The following C2orf74 variants were observed in gnomAD, a reference collection of about 807,000 sequenced individuals.
The protein encoded by C2orf74 is uncharacterized protein C2orf74.
A neutral mutation model predicts 17.9 loss-of-function variants in C2orf74; 14 were observed. The ratio of observed to expected loss-of-function variants is 0.78; its 90% CI spans 0.52 to 1.22. The LOEUF is 1.22. Ranked by LOEUF, C2orf74 falls within the 50% of genes most tolerant of loss-of-function variation. C2orf74 has a pLI of 0.00. For missense variants in C2orf74, 217 were observed against 218.4 expected, an observed-to-expected ratio of 0.99 and a Z score of 0.04; for synonymous variants, 79 against 72.6, an observed-to-expected ratio of 1.09 and a Z score of -0.44.
upstream of C2orf74, chr2:61,158,062 GACCCCA>G (rs1559185187): frequency 2.1e-6 from 1 of 465,752 alleles, no homozygotes; most frequent in South Asian, 1.6e-5. Flanking sequence ...GGCAATATCT[GACCCCA>G]ACATGGCAGA....
intron 1 of C2orf74, among the ~76,000 whole-genome samples, chr2:61,145,798 C>A (rs1685053235): frequency 1.3e-5 from 2 of 152,042 alleles, no homozygotes; most frequent in Non-Finnish European, 2.9e-5. Context: ...CAAGCCCAAG[C>A]AATCCTCCCA....
At chr2:61,150,772 T>G (rs564009928) in intron 1 of C2orf74, among the ~76,000 whole-genome samples, 10 of 152,230 alleles carry the variant, frequency 6.6e-5, no homozygotes. Flanking sequence ...TTGGAGTTTA[T>G]GAGGAAAAGG....
At chr2:61,163,687 A>G (rs559838927) in intron 4 of C2orf74, among the ~76,000 whole-genome samples, 2 of 152,234 alleles carry the variant, frequency 1.3e-5, no homozygotes, top group African/African-American at 2.4e-5. Context: ...AATGAGTCCA[A>G]TGCCCACAGT....
At chr2:61,153,964 C>A (rs999752877) in intron 1 of C2orf74, among the ~76,000 whole-genome samples, 4 of 151,654 alleles carry the variant, frequency 2.6e-5, no homozygotes, top group African/African-American at 9.7e-5. Flanking sequence ...TTTGGCTAGG[C>A]GCGATGGCTC....
chr2:61,164,538 A>T lies in C2orf74; in HGVS notation c.*11A>T. 6.7e-7 allele frequency: 1 copy of T among 1,487,742 alleles called. No individual in the cohort carries two copies. The highest frequency in any genetic ancestry group is 2.6e-5 in the Admixed American group (1 of 38,754). 92.2% of individuals were successfully genotyped at this position (1,487,742 alleles called of 1,614,324 possible). Reference sequence around the variant, plus strand: ...AAAGAGAGGAAATGAAGCTCAAAAAAGGGTAAGAGTGAAAGAAAATGTAAC... The same window carrying T: ...AAAGAGAGGAAATGAAGCTCAAAAATGGGTAAGAGTGAAAGAAAATGTAAC... On this transcript the variant is annotated 3_prime_UTR_variant, in exon 5 of 5. Transcript: ENST00000432605.
Position 61,162,202 on chromosome 2 carries a change from C to T in C2orf74, c.-218C>T. On this transcript the variant is annotated 5_prime_UTR_variant, in exon 1 of 5. Coordinates refer to ENST00000432605, the MANE Select transcript of C2orf74 (RefSeq NM_001143959.4). Reference sequence around the variant, plus strand: ...CCAGCTGTTCCGATTCCTCTCTCCTCTGGGTCCTGATAGTTTTTGGGGTGA... The same window carrying T: ...CCAGCTGTTCCGATTCCTCTCTCCTTTGGGTCCTGATAGTTTTTGGGGTGA... 1 of 358,414 alleles carries T rather than the reference C, an allele frequency of 2.8e-6. No homozygotes were observed. The allele number at this position is 358,414 out of a possible 1,614,324, so 22.2% of individuals were successfully genotyped here.
Position 61,162,868 on chromosome 2 carries a change from C to A in C2orf74, c.122C>A (p.Thr41Lys). ...TTCCAAGGCAGGAAAGGTAAAGAGA[C>A]AAAGAAAGTGCCTTGTACAGATGCA... is the stretch of plus-strand genomic sequence containing the variant. ...KCFQGRKGKETKKVPCTDANG... is the reference protein window; with the variant it reads ...KCFQGRKGKEKKKVPCTDANG... The change falls in exon 3 of 5, where the codon ACA becomes AAA. Residue 41 changes from threonine (T) to lysine (K), a missense_variant. Coordinates refer to ENST00000432605, the MANE Select transcript of C2orf74 (RefSeq NM_001143959.4). The A allele has an allele frequency of 6.4e-7, 1 of 1,552,248 alleles. No homozygotes were observed. Among genetic ancestry groups the A allele is most frequent in the South Asian group, 1.2e-5 (1 of 84,056 alleles).
chr2:61,147,749 C>G (rs1685112308), intron 1 of C2orf74, among the ~76,000 whole-genome samples: 1 of 152,066 alleles, frequency 6.6e-6, no homozygotes, highest in East Asian at 1.9e-4. Context: ...TTCTACCAGT[C>G]TGTGGGTTGC....
intron 1 of C2orf74, among the ~76,000 whole-genome samples, chr2:61,153,279 AATTT>A (rs564373737): frequency 9.2e-4 from 140 of 152,090 alleles, no homozygotes; most frequent in Non-Finnish European, 1.5e-3. Context: ...AAAGATGTGA[AATTT>A]ATTTATTTAT....
chr2:61,148,689 A>G (rs1055822003), intron 1 of C2orf74, among the ~76,000 whole-genome samples: 3 of 152,122 alleles, frequency 2.0e-5, no homozygotes, highest in African/African-American at 4.8e-5. Flanking sequence ...TTCTGAGTAC[A>G]TGTCCTTTGT....
At chr2:61,153,292 A>AT (rs1685293697) in intron 1 of C2orf74, among the ~76,000 whole-genome samples, 1 of 151,836 alleles carries the variant, frequency 6.6e-6, no homozygotes, top group Non-Finnish European at 1.5e-5. Flanking sequence ...TTATTTATTT[A>AT]TTTTTTGAGA....
At position 61,162,827 on chromosome 2, in the gene C2orf74, CT is replaced by C; in HGVS notation, c.96-13del. On this transcript the variant is annotated splice_polypyrimidine_tract_variant and intron_variant, in intron 2 of 4. Coordinates refer to ENST00000432605, the MANE Select transcript of C2orf74 (RefSeq NM_001143959.4). ...CATTCTTCCTTTTCTGAATTTGTGG[CT>C]TGTTTGTTTTCAGTTTCCAAGGCAG... 6.5e-7 allele frequency: 1 copy of C among 1,545,356 alleles called. No individual in the cohort carries two copies. Among genetic ancestry groups the C allele is most frequent in the Middle Eastern group, 1.7e-4 (1 of 5,974 alleles).
Position 61,156,619 on chromosome 2 carries a change from C to T in C2orf74, c.-121-6223C>T, listed in dbSNP as rs575793783. ...AAATAATTGGCCGGGCGTGGTGGCTCATGCCTGTAATCCTAGCACTTTCAG... is the reference window on the plus strand; with the variant it reads ...AAATAATTGGCCGGGCGTGGTGGCTTATGCCTGTAATCCTAGCACTTTCAG... On this transcript the variant is annotated intron_variant, in intron 1 of 3. Coordinates refer to the C2orf74 transcript ENST00000426997. Among the ~76,000 whole-genome samples, 15 of 152,270 alleles carry T rather than the reference C, an allele frequency of 9.9e-5. No individual in the cohort carries two copies. In the South Asian group the frequency reaches 1.2e-3, roughly 13 times the overall value.
intron 4 of C2orf74, among the ~76,000 whole-genome samples, 172 bp from the exon 5 acceptor site, chr2:61,164,182 A>G (rs1028935876): frequency 1.3e-5 from 2 of 152,172 alleles, no homozygotes; most frequent in Non-Finnish European, 2.9e-5. Flanking sequence ...GTGTGCTTTT[A>G]TAACCATAAA....
In C2orf74 at chr2:61,147,466, C is replaced by T. The variant is rs1000550171; in HGVS notation, c.-122+2270C>T. Among the ~76,000 whole-genome samples the T allele has an allele frequency of 2.0e-5, 3 of 152,164 alleles. No homozygotes were observed. The East Asian group carries it at 5.8e-4, about 29-fold the overall frequency. ...CAATTTCCATTTCCATCTGCAGTAT[C>T]GAAAACCTTCCTCTTGCTGCATGTC... On this transcript the variant is annotated intron_variant, in intron 1 of 3. Coordinates refer to the C2orf74 transcript ENST00000426997.
At chr2:61,151,165 C>A (rs1616938) in intron 1 of C2orf74, among the ~76,000 whole-genome samples, 62,282 of 150,614 alleles carry the variant, frequency 0.41, 13,097 homozygotes, top group Middle Eastern at 0.51. Context: ...AAAATACAAT[C>A]ATTAGCCAGG....
chr2:61,145,703 G>A (rs531153879), intron 1 of C2orf74, among the ~76,000 whole-genome samples: 5 of 152,250 alleles, frequency 3.3e-5, no homozygotes, highest in African/African-American at 1.2e-4. Flanking sequence ...GATTACAGGC[G>A]TGAGCCACCG....
Position 61,162,976 on chromosome 2 carries a change from G to A in C2orf74, c.209+21G>A, listed in dbSNP as rs1453850667. On this transcript the variant is annotated intron_variant, in intron 3 of 4. Transcript: ENST00000432605. The stretch of plus-strand genomic sequence containing the variant: ...GAAAGGCGAGTGTGGTGCAGGATGT[G>A]GCAGAGGCCATTTTGTGTTTGATAG... The A allele has an allele frequency of 3.2e-6, 5 of 1,552,072 alleles. No individual in the cohort carries two copies. In the South Asian group the frequency reaches 5.9e-5, roughly 18 times the overall value.
Position 61,162,587 on chromosome 2 carries a change from TTGG to T in C2orf74, c.78_80del (p.Val27del). On this transcript the variant is annotated inframe_deletion, in exon 2 of 5. Transcript: ENST00000432605. ...TTGCCTCATTTGCATCCTCCTCTTATTGGTGGTTTTTTTATATAAATGGTATAA... is the reference window on the plus strand; with the variant it reads ...TTGCCTCATTTGCATCCTCCTCTTATTGGTTTTTTTATATAAATGGTATAA... 1 of 1,548,210 alleles carries T rather than the reference TTGG, an allele frequency of 6.5e-7. No individual in the cohort carries two copies. The highest frequency in any genetic ancestry group is 8.7e-7 in the Non-Finnish European group (1 of 1,144,000).
Sources: allele counts gnomAD v4.1 joint callset (sites outside exome capture counted in the v4.1 genomes callset), GRCh38; gene constraint gnomAD v4.1.1; transcripts MANE v1.5; gene names NCBI Gene and HGNC (gene_info 2026-07-23, HGNC 2026-07-21).